EML1: variants seen among roughly 807,000 people sequenced by gnomAD.
EML1 encodes the protein EMAP like 1, also known as echinoderm microtubule-associated protein-like 1.
EML1 carries 27 observed loss-of-function variants against 110.4 expected under a neutral mutation model. The observed-to-expected ratio is 0.24, with a 90% CI of 0.18 to 0.34. The LOEUF (loss-of-function observed/expected upper bound fraction) is 0.34, where lower values mean the gene tolerates loss of function less well. Among genes scored for constraint, EML1 ranks in the 10% least tolerant of loss-of-function variants. EML1 has a pLI of 1.00. For synonymous variants in EML1, 344 were observed against 385.8 expected, an observed-to-expected ratio of 0.89 and a Z score of 1.27; for missense variants, 741 against 1,030.9, an observed-to-expected ratio of 0.72 and a Z score of 3.85.
intron 1 of EML1, among the ~76,000 whole-genome samples, chr14:99,802,810 G>A (rs1264417031): frequency 6.6e-6 from 1 of 152,092 alleles, no homozygotes; most frequent in Non-Finnish European, 1.5e-5. Context: ...ATAGTAATGG[G>A]ATCCATGGGC....
At chr14:99,858,060 G>T (rs1389649892) in intron 2 of EML1, among the ~76,000 whole-genome samples, 2 of 152,138 alleles carry the variant, frequency 1.3e-5, no homozygotes, top group Admixed American at 6.5e-5. Flanking sequence ...CTCTGCTGCA[G>T]GGTTTCAGGT....
chr14:99,793,450 G>C lies in EML1; in HGVS notation c.-27G>C. 1 of 1,041,388 alleles carries C rather than the reference G, an allele frequency of 9.6e-7. No individual in the cohort carries two copies. The highest frequency in any genetic ancestry group is 1.2e-6 in the Non-Finnish European group (1 of 865,256). The allele number at this position is 1,041,388 out of a possible 1,614,324, so 64.5% of individuals were successfully genotyped here. A position where few individuals can be genotyped will look rare whatever the true frequency, so the allele number is the denominator to read the frequency against. ...GCGGCGGCGGCGCGGCCGGGCCGGG[G>C]AGCGGGCGCGGCCCGGCGGCCTCAG... is the stretch of plus-strand genomic sequence containing the variant. On this transcript the variant is annotated 5_prime_UTR_variant, in exon 1 of 22. Transcript: ENST00000262233.
At chr14:99,850,345 G>A in intron 1 of EML1, 1 of 1,289,022 alleles carries the variant, frequency 7.8e-7, no homozygotes, top group East Asian at 5.6e-5. Context: ...AAGAAAATAT[G>A]ATTACCATAA....
At position 99,858,925 on chromosome 14, in the gene EML1, A is replaced by G. The variant is rs578018741; in HGVS notation, c.251-6589A>G. Among the ~76,000 whole-genome samples, 3 of 152,284 alleles carry G rather than the reference A, an allele frequency of 2.0e-5. No individual in the cohort carries two copies. In the East Asian group the frequency reaches 5.8e-4, roughly 29 times the overall value. On this transcript the variant is annotated intron_variant, in intron 2 of 21. Transcript: ENST00000262233. ...ATATGTAATCATGTTTTTAAGCCTA[A>G]TGGGAGTTTTATATATCAAATAGTG...
upstream of EML1, among the ~76,000 whole-genome samples, chr14:99,791,740 A>C (rs780765663): frequency 6.6e-6 from 1 of 152,060 alleles, no homozygotes; most frequent in Non-Finnish European, 1.5e-5. Context: ...CCAGCTCCCT[A>C]ACACAGCTCT....
chr14:99,815,909 C>T (rs1248416169), intron 1 of EML1, among the ~76,000 whole-genome samples: 6 of 152,072 alleles, frequency 3.9e-5, no homozygotes, highest in African/African-American at 1.4e-4. Flanking sequence ...AGAAATCTGA[C>T]AGGGGTAAGA....
At chr14:99,760,408 C>T (rs1432092725) in intron 1 of EML1, among the ~76,000 whole-genome samples, 4 of 152,166 alleles carry the variant, frequency 2.6e-5, no homozygotes, top group African/African-American at 4.8e-5. Flanking sequence ...GCATGATCTC[C>T]GTAATGACCA....
intron 1 of EML1, among the ~76,000 whole-genome samples, chr14:99,815,867 T>C (rs971139593): frequency 1.3e-5 from 2 of 152,182 alleles, no homozygotes; most frequent in East Asian, 1.9e-4. Context: ...TCTTGTGTCA[T>C]GCTCAGAGGT....
intron 17 of EML1, among the ~76,000 whole-genome samples, chr14:99,921,263 T>A (rs564223661): frequency 6.6e-6 from 1 of 152,370 alleles, no homozygotes; most frequent in African/African-American, 2.4e-5. Context: ...TGTTCCTTTT[T>A]ATGGCTGCAT....
Position 99,894,734 on chromosome 14 carries a change from C to T in EML1, c.653C>T (p.Thr218Ile), listed in dbSNP as rs1222002027. Residue 218 changes from threonine (T) to isoleucine (I), a missense_variant, in exon 6 of 22, where the codon ACC (threonine) becomes ATC (isoleucine). Thr to Ile is a moderately conservative substitution (Grantham distance 89, BLOSUM62 -1). Coordinates refer to ENST00000262233, the MANE Select transcript of EML1 (RefSeq NM_004434.3). Reference sequence around the variant, plus strand: ...TTGGAAGCAAAAGTAGAACTTCCAACCAAGAGACTCAAGCTGGAATGGGTG... The same window carrying T: ...TTGGAAGCAAAAGTAGAACTTCCAATCAAGAGACTCAAGCTGGAATGGGTG... ...YSLEAKVELP[T>I]KRLKLEWVYG... 6.2e-7 allele frequency: 1 copy of T among 1,612,674 alleles called. No homozygotes were observed. Among genetic ancestry groups the T allele is most frequent in the African/African-American group, 1.3e-5 (1 of 74,822 alleles).
chr14:99,927,800 TG>T (rs1242810612), intron 17 of EML1, among the ~76,000 whole-genome samples: 1 of 1,464 alleles, frequency 6.8e-4, no homozygotes. Flanking sequence ...GTATTGGTGG[TG>T]GGGGGGGTGG....
intron 14 of EML1, 24 bp downstream of exon 14, chr14:99,914,328 G>A (rs201270525): frequency 3.6e-5 from 57 of 1,596,526 alleles, no homozygotes; most frequent in East Asian, 2.5e-4. Context: ...CAGCAGGCCC[G>A]GCAAACACTC....
intron 5 of EML1, among the ~76,000 whole-genome samples, chr14:99,893,477 C>T (rs966865369): frequency 3.3e-5 from 5 of 152,154 alleles, no homozygotes; most frequent in Admixed American, 6.5e-5. Context: ...AGCCTTAATA[C>T]GCAGTGTGAA....
intron 1 of EML1, among the ~76,000 whole-genome samples, chr14:99,819,098 C>T (rs1323775121): frequency 6.6e-6 from 1 of 152,020 alleles, no homozygotes; most frequent in Non-Finnish European, 1.5e-5. Context: ...TGTAGGCATG[C>T]ACCACCCTGC....
intron 1 of EML1, among the ~76,000 whole-genome samples, chr14:99,786,879 G>A (rs2057606428): frequency 6.6e-6 from 1 of 152,178 alleles, no homozygotes; most frequent in South Asian, 2.1e-4. Flanking sequence ...CAGGACACAG[G>A]CTACTGTTGC....
intron 1 of EML1, among the ~76,000 whole-genome samples, chr14:99,848,586 C>A (rs1401775254): frequency 6.6e-6 from 1 of 152,146 alleles, no homozygotes; most frequent in Non-Finnish European, 1.5e-5. Flanking sequence ...TTTACCCCAT[C>A]TTTTATGTTA....
chr14:99,917,691 GCGTT>G (rs2060056093), intron 15 of EML1, 87 bp from the exon 16 acceptor site: 2 of 1,226,024 alleles, frequency 1.6e-6, no homozygotes, highest in Non-Finnish European at 2.4e-6. Context: ...AGAAGTGTGA[GCGTT>G]TGTGTGTGCA....
upstream of EML1, among the ~76,000 whole-genome samples, chr14:99,768,915 A>T (rs1047568463): frequency 7.9e-5 from 12 of 152,078 alleles, no homozygotes; most frequent in East Asian, 5.8e-4. Flanking sequence ...TTGGTGTTTT[A>T]CCATGTTGGC....
chr14:99,778,945 A>G (rs1340047829), intron 1 of EML1, among the ~76,000 whole-genome samples: 1 of 152,208 alleles, frequency 6.6e-6, no homozygotes, highest in African/African-American at 2.4e-5. Context: ...TCTGGTGCAT[A>G]TAACAGCTGA....
Sources: allele counts gnomAD v4.1 joint callset (sites outside exome capture counted in the v4.1 genomes callset), GRCh38; gene constraint gnomAD v4.1.1; transcripts MANE v1.5; gene names NCBI Gene and HGNC (gene_info 2026-07-23, HGNC 2026-07-21).